The following GCNT2 variants were observed in gnomAD, a reference collection of about 807,000 sequenced individuals.
GCNT2 encodes the protein N-acetyllactosaminide beta-1,6-N-acetylglucosaminyl-transferase.
Under a neutral mutation model 34.2 loss-of-function variants are expected in GCNT2, and 34 were observed. The observed-to-expected ratio is 1.00, with a 90% CI of 0.76 to 1.32. The LOEUF (loss-of-function observed/expected upper bound fraction) is 1.32, where lower values mean the gene tolerates loss of function less well. GCNT2 is among the 40% of genes most tolerant of loss of function. The pLI, the probability that GCNT2 is intolerant of heterozygous loss-of-function variation, is 0.00. For missense variants in GCNT2, 584 were observed against 489.4 expected (o/e 1.19, Z -1.82); for synonymous variants, 212 against 188.0 (o/e 1.13, Z -1.04).
intron 4 of GCNT2, among the ~76,000 whole-genome samples, chr6:10,622,784 G>A (rs1010333404): frequency 1.8e-5 from 2 of 108,142 alleles, no homozygotes; most frequent in South Asian, 3.1e-4. Flanking sequence ...ATGGATTCTC[G>A]CTCTATCACC....
chr6:10,533,887 C>T (rs1300208429), intron 3 of GCNT2, among the ~76,000 whole-genome samples: 1 of 151,318 alleles, frequency 6.6e-6, no homozygotes, highest in Non-Finnish European at 1.5e-5. Context: ...GTGGCTGCGA[C>T]CACAGGCAGG....
chr6:10,572,832 A>G (rs1162419405), intron 3 of GCNT2, among the ~76,000 whole-genome samples: 1 of 152,270 alleles, frequency 6.6e-6, no homozygotes, highest in Non-Finnish European at 1.5e-5. Context: ...ATCAAATGCA[A>G]AAATTGTCTC....
At chr6:10,527,255 T>C (rs1761237085) in intron 1 of GCNT2, 1 of 152,036 alleles carries the variant, frequency 6.6e-6, no homozygotes, top group Non-Finnish European at 1.5e-5. Flanking sequence ...TGAAACCCCG[T>C]CTCTACTAAA....
At chr6:10,550,184 T>C (rs1198098991) in intron 3 of GCNT2, among the ~76,000 whole-genome samples, 1 of 151,922 alleles carries the variant, frequency 6.6e-6, no homozygotes, top group Non-Finnish European at 1.5e-5. Context: ...CTCCCGAGTA[T>C]CTGGGATTAC....
intron 3 of GCNT2, among the ~76,000 whole-genome samples, chr6:10,579,290 A>G (rs1214133657): frequency 6.6e-6 from 1 of 152,218 alleles, no homozygotes; most frequent in African/African-American, 2.4e-5. Context: ...ACTCAATGAA[A>G]AAACCCACTA....
chr6:10,529,859 A>G (rs761466997), intron 3 of GCNT2, 23 bp downstream of exon 3: 4 of 1,566,464 alleles, frequency 2.6e-6, no homozygotes, highest in South Asian at 1.1e-5. Flanking sequence ...CTTAACTTTT[A>G]TTTTTACGAA....
At chr6:10,577,189 C>T (rs999828873) in intron 3 of GCNT2, among the ~76,000 whole-genome samples, 3 of 152,230 alleles carry the variant, frequency 2.0e-5, no homozygotes, top group Admixed American at 1.3e-4. Flanking sequence ...CTTTCTTGCA[C>T]ATCAAATGGA....
chr6:10,529,940 C>T (rs149401038), intron 3 of GCNT2, 104 bp downstream of exon 3: 11 of 969,032 alleles, frequency 1.1e-5, no homozygotes, highest in Admixed American at 4.1e-5. Flanking sequence ...AACTTCTTTA[C>T]GGTTTTAAAT....
intron 3 of GCNT2, among the ~76,000 whole-genome samples, chr6:10,561,036 C>T (rs112922401): frequency 4.6e-5 from 7 of 152,192 alleles, no homozygotes; most frequent in South Asian, 2.1e-4. Flanking sequence ...CTGTGACAGC[C>T]GTAACTTCTG....
At chr6:10,589,470 G>T (rs758223075) in intron 3 of GCNT2, among the ~76,000 whole-genome samples, 1 of 151,912 alleles carries the variant, frequency 6.6e-6, no homozygotes, top group Non-Finnish European at 1.5e-5. Flanking sequence ...GCTTGTCAGG[G>T]TCACTGTGCT....
chr6:10,551,389 C>T (rs549088280), intron 3 of GCNT2, among the ~76,000 whole-genome samples: 84 of 151,550 alleles, frequency 5.5e-4, no homozygotes, highest in African/African-American at 1.8e-3. Flanking sequence ...CTTCTTTCCC[C>T]GCCTCTGAGA....
At chr6:10,620,622 CT>C (rs1163825295) in intron 3 of GCNT2, among the ~76,000 whole-genome samples, 1 of 152,040 alleles carries the variant, frequency 6.6e-6, no homozygotes, top group Non-Finnish European at 1.5e-5. Flanking sequence ...GCCCAGGGAT[CT>C]TCTTACCTCG....
chr6:10,529,423 T>C lies in GCNT2; in HGVS notation c.512T>C (p.Leu171Pro). 6.2e-7 allele frequency: 1 copy of C among 1,614,114 alleles called. No individual in the cohort carries two copies. The highest frequency in any genetic ancestry group is 8.5e-7 in the Non-Finnish European group (1 of 1,180,000). The stretch of plus-strand genomic sequence containing the variant: ...GGGATCTCCAGGCTCCAGGCTGACC[T>C]GAACTGCCTGGAAGACCTTGTGGCC... Reference protein sequence around the residue: ...YGGISRLQADLNCLEDLVASE... With the variant: ...YGGISRLQADPNCLEDLVASE... The change falls in exon 3 of 5, where the codon CTG becomes CCG. Residue 171 changes from leucine (L) to proline (P), a missense_variant. Leu to Pro is a moderately conservative substitution (Grantham distance 98, BLOSUM62 -3). Transcript: ENST00000495262.
intron 3 of GCNT2, among the ~76,000 whole-genome samples, chr6:10,580,961 A>ACAT (rs1277584665): frequency 4.6e-5 from 7 of 152,312 alleles, no homozygotes; most frequent in Admixed American, 1.3e-4. Context: ...GAGAGGTGGG[A>ACAT]CTGATACAGA....
At chr6:10,566,789 G>A (rs1044961470) in intron 3 of GCNT2, among the ~76,000 whole-genome samples, 3 of 152,176 alleles carry the variant, frequency 2.0e-5, no homozygotes, top group East Asian at 1.9e-4. Context: ...ACACATGTAC[G>A]CTTGTGCACG....
At chr6:10,574,076 C>T (rs1395547113) in intron 3 of GCNT2, among the ~76,000 whole-genome samples, 1 of 152,218 alleles carries the variant, frequency 6.6e-6, no homozygotes, top group Non-Finnish European at 1.5e-5. Flanking sequence ...ATATACTAGC[C>T]TATTTCAATC....
chr6:10,538,106 TA>T (rs922705356), intron 3 of GCNT2, among the ~76,000 whole-genome samples: 1 of 151,366 alleles, frequency 6.6e-6, no homozygotes, highest in Non-Finnish European at 1.5e-5. Context: ...CATCATAAGG[TA>T]AAAAAAATTA....
intron 3 of GCNT2, among the ~76,000 whole-genome samples, chr6:10,569,271 A>ACACACACACACACACACC (rs1561806901): frequency 2.2e-4 from 31 of 142,352 alleles, no homozygotes; most frequent in African/African-American, 3.5e-4. Context: ...ACACACACAC[A>ACACACACACACACACACC]CACCCCCTAG....
chr6:10,542,320 T>C (rs1762071353), intron 3 of GCNT2, among the ~76,000 whole-genome samples: 1 of 152,170 alleles, frequency 6.6e-6, no homozygotes, highest in Non-Finnish European at 1.5e-5. Flanking sequence ...CTAATTGCCT[T>C]TCCCCCTCTT....
Sources: allele counts gnomAD v4.1 joint callset (sites outside exome capture counted in the v4.1 genomes callset), GRCh38; gene constraint gnomAD v4.1.1; transcripts MANE v1.5; gene names NCBI Gene and HGNC (gene_info 2026-07-23, HGNC 2026-07-21).